The following PKIA variants were observed in gnomAD, a reference collection of about 807,000 sequenced individuals.
PKIA encodes the protein PKI-alpha.
Under a neutral mutation model 7.6 loss-of-function variants are expected in PKIA, and 4 were observed. That is an observed-to-expected ratio of 0.52 (90% CI 0.26 to 1.20). The LOEUF is 1.20. Among genes scored for constraint, PKIA ranks in the 50% most tolerant of loss-of-function variants. The pLI is 0.13. For synonymous variants in PKIA, 21 were observed against 30.7 expected (o/e 0.68, Z 1.04); for missense variants, 73 against 86.2 (o/e 0.85, Z 0.61).
rs115816352 is a variant in PKIA, at chr8:78,588,693, A to G, written c.-27-9665A>G. ...AATCTGTAGTGATAGTTCCTGAGAA[A>G]ACAGTCCTCCTAAGTTAATAGATAC... is the stretch of plus-strand genomic sequence containing the variant. On this transcript the variant is annotated intron_variant, in intron 2 of 3. Transcript: ENST00000396418. Among the ~76,000 whole-genome samples, 431 of 152,270 alleles carry G rather than the reference A, an allele frequency of 2.8e-3. 3 individuals are homozygous for G. The highest frequency in any genetic ancestry group is 8.1e-3 in the African/African-American group (338 of 41,552).
chr8:78,565,427 T>G (rs558925174), intron 1 of PKIA, among the ~76,000 whole-genome samples: 1 of 152,126 alleles, frequency 6.6e-6, no homozygotes, highest in African/African-American at 2.4e-5. Context: ...AGTTATTGAA[T>G]TATAATTTGG....
At chr8:78,544,269 C>T (rs1264522941) in intron 1 of PKIA, among the ~76,000 whole-genome samples, 1 of 152,160 alleles carries the variant, frequency 6.6e-6, no homozygotes, top group Non-Finnish European at 1.5e-5. Context: ...TCTCACAGTA[C>T]TTGAAATTTC....
At chr8:78,582,774 C>A (rs776418234) in intron 2 of PKIA, among the ~76,000 whole-genome samples, 5 of 152,068 alleles carry the variant, frequency 3.3e-5, no homozygotes, top group South Asian at 2.1e-4. Flanking sequence ...TCATAAGGAA[C>A]TTTCACACTC....
chr8:78,577,681 C>T (rs1289961303), intron 2 of PKIA, among the ~76,000 whole-genome samples: 3 of 151,888 alleles, frequency 2.0e-5, no homozygotes, highest in Admixed American at 6.6e-5. Flanking sequence ...TCTCCCAAAA[C>T]GGCACTTACC....
chr8:78,592,910 G>A lies in PKIA; in HGVS notation c.-27-5448G>A, dbSNP rs191080806. ...TATCATGGCAGTTAGAAATGATAAT[G>A]GCAAAAAAACAGGGACCTTTACTGC... On this transcript the variant is annotated intron_variant, in intron 2 of 3. Transcript: ENST00000396418. Among the ~76,000 whole-genome samples the A allele has an allele frequency of 1.1e-4, 16 of 152,118 alleles. No homozygotes were observed. In the East Asian group the frequency reaches 2.9e-3, roughly 28 times the overall value.
chr8:78,584,640 C>G (rs1289980078), intron 2 of PKIA, among the ~76,000 whole-genome samples: 3 of 152,026 alleles, frequency 2.0e-5, no homozygotes, highest in African/African-American at 7.2e-5. Flanking sequence ...GAATAAAAAT[C>G]TTAGAGTTAT....
intron 2 of PKIA, among the ~76,000 whole-genome samples, chr8:78,590,148 A>G (rs1373616716): frequency 6.6e-6 from 1 of 152,176 alleles, no homozygotes; most frequent in East Asian, 1.9e-4. Flanking sequence ...CAGTTTCCCA[A>G]TTCTTAAAGA....
chr8:78,575,485 A>G (rs895377765), intron 2 of PKIA, among the ~76,000 whole-genome samples: 1 of 151,970 alleles, frequency 6.6e-6, no homozygotes, highest in Non-Finnish European at 1.5e-5. Context: ...TCACTGTATA[A>G]TACAATGTTG....
intron 2 of PKIA, among the ~76,000 whole-genome samples, chr8:78,592,596 T>C (rs1436171705): frequency 6.6e-6 from 1 of 152,182 alleles, no homozygotes; most frequent in African/African-American, 2.4e-5. Flanking sequence ...CACAATATAC[T>C]TTTATGTCTT....
rs141175283 is a variant in PKIA at position 78,540,661 on chromosome 8, G to A, written c.-157+24193G>A. ...CAGGTAGAGGGACAGAGGGGGTGGG[G>A]CAGGGACTTCTTTCAGTTGTTACTT... On this transcript the variant is annotated intron_variant, in intron 1 of 3. Transcript: ENST00000396418. 3.2e-3 allele frequency among the ~76,000 whole-genome samples: 482 copies of A among 152,092 alleles called. 2 individuals are homozygous for A. Among genetic ancestry groups the A allele is most frequent in the African/African-American group, 0.011 (447 of 41,526 alleles).
At chr8:78,518,774 T>C (rs1809361899) in intron 1 of PKIA, among the ~76,000 whole-genome samples, 1 of 152,142 alleles carries the variant, frequency 6.6e-6, no homozygotes, top group South Asian at 2.1e-4. Context: ...CCCACTAAGT[T>C]ATGGACTGGA....
intron 1 of PKIA, among the ~76,000 whole-genome samples, chr8:78,541,132 A>T (rs1806676838): frequency 6.6e-6 from 1 of 152,072 alleles, no homozygotes; most frequent in Non-Finnish European, 1.5e-5. Flanking sequence ...ATCTACTATC[A>T]TCGTCTACTC....
At chr8:78,592,297 C>T (rs1037063723) in intron 2 of PKIA, among the ~76,000 whole-genome samples, 1 of 151,920 alleles carries the variant, frequency 6.6e-6, no homozygotes, top group African/African-American at 2.4e-5. Context: ...TATTTGTTAG[C>T]TATTGCTCTT....
chr8:78,597,691 C>T (rs982911682), intron 2 of PKIA, among the ~76,000 whole-genome samples: 1 of 152,170 alleles, frequency 6.6e-6, no homozygotes, highest in Non-Finnish European at 1.5e-5. Context: ...CTATGGCATG[C>T]AGGCCAAATC....
chr8:78,551,753 T>C (rs553031105), intron 1 of PKIA, among the ~76,000 whole-genome samples: 1 of 152,128 alleles, frequency 6.6e-6, no homozygotes, highest in East Asian at 1.9e-4. Context: ...AATTAAATTC[T>C]GGTTTGGATG....
chr8:78,584,621 A>G (rs958759715), intron 2 of PKIA, among the ~76,000 whole-genome samples: 2 of 152,164 alleles, frequency 1.3e-5, no homozygotes, highest in Non-Finnish European at 2.9e-5. Flanking sequence ...TTACTAATGC[A>G]TAATGCTGGA....
In PKIA at chr8:78,601,993, G is replaced by A. The variant is rs890728112; in HGVS notation, c.*172G>A. The A allele has an allele frequency of 1.1e-4, 67 of 590,056 alleles. No individual in the cohort carries two copies. The highest frequency in any genetic ancestry group is 1.4e-4 in the Non-Finnish European group (48 of 332,996). The allele number at this position is 590,056 out of a possible 1,614,324, so 36.6% of individuals were successfully genotyped here. Reference sequence around the variant, plus strand: ...AGGGCAGAGGCTGTGGCTGCAGGCAGACTTTTCCCTACCTCTGTCATTAGC... The same window carrying A: ...AGGGCAGAGGCTGTGGCTGCAGGCAAACTTTTCCCTACCTCTGTCATTAGC... On this transcript the variant is annotated 3_prime_UTR_variant, in exon 4 of 4. Coordinates refer to ENST00000396418, the MANE Select transcript of PKIA (RefSeq NM_006823.4).
At chr8:78,579,052 T>C (rs1326222576) in intron 2 of PKIA, among the ~76,000 whole-genome samples, 1 of 152,052 alleles carries the variant, frequency 6.6e-6, no homozygotes, top group African/African-American at 2.4e-5. Flanking sequence ...TTGGGATTCA[T>C]CCCTAAACTT....
rs55852402 is a variant in PKIA, at chr8:78,551,368, C to T, written c.-156-21443C>T. Reference sequence around the variant, plus strand: ...CACCATGTTAGCATATCTAAATAGTCCTTCGTCTGGAAGAAAAGTATTACA... The same window carrying T: ...CACCATGTTAGCATATCTAAATAGTTCTTCGTCTGGAAGAAAAGTATTACA... On this transcript the variant is annotated intron_variant, in intron 1 of 3. Coordinates refer to ENST00000396418, the MANE Select transcript of PKIA (RefSeq NM_006823.4). 8.1e-3 allele frequency among the ~76,000 whole-genome samples: 1,235 copies of T among 151,996 alleles called. 10 individuals carry two copies. The highest frequency in any genetic ancestry group is 0.013 in the Non-Finnish European group (863 of 67,898).
Sources: allele counts gnomAD v4.1 joint callset (sites outside exome capture counted in the v4.1 genomes callset), GRCh38; gene constraint gnomAD v4.1.1; transcripts MANE v1.5; gene names NCBI Gene and HGNC (gene_info 2026-07-23, HGNC 2026-07-21).